TAB1: variants seen among roughly 807,000 people sequenced by gnomAD.
TAB1 encodes TGF-beta-activated kinase 1 and MAP3K7-binding protein 1.
TAB1 carries 30 observed loss-of-function variants against 54.5 expected under a neutral mutation model. That is an observed-to-expected ratio of 0.55 (90% CI 0.41 to 0.75). TAB1 has a LOEUF of 0.75. Among genes scored for constraint, TAB1 ranks in the 30% least tolerant of loss-of-function variants. The pLI is 0.00. For missense variants in TAB1, 609 were observed against 683.2 expected, an observed-to-expected ratio of 0.89 and a Z score of 1.21; for synonymous variants, 289 against 286.9, an observed-to-expected ratio of 1.01 and a Z score of -0.07.
chr22:39,420,537 C>T (rs951520583), intron 7 of TAB1, among the ~76,000 whole-genome samples: 1 of 152,222 alleles, frequency 6.6e-6, no homozygotes, highest in African/African-American at 2.4e-5. Flanking sequence ...ACTCCTTGCC[C>T]TCACGCGATC....
intron 1 of TAB1, among the ~76,000 whole-genome samples, chr22:39,409,874 C>G (rs1926536191): frequency 2.6e-5 from 4 of 152,190 alleles, no homozygotes. Flanking sequence ...AGGAGCCTCT[C>G]TGTTTTCTCT....
intron 1 of TAB1, among the ~76,000 whole-genome samples, chr22:39,406,726 G>A (rs889939924): frequency 1.3e-5 from 2 of 151,890 alleles, no homozygotes; most frequent in African/African-American, 4.8e-5. Context: ...TCTGCCTCCC[G>A]GGTTCACACC....
At chr22:39,416,711 C>T in intron 3 of TAB1, 80 bp from the exon 4 acceptor site, 1 of 1,332,630 alleles carries the variant, frequency 7.5e-7, no homozygotes, top group Non-Finnish European at 1.1e-6. Flanking sequence ...AAAGCTGCTG[C>T]TCTGATTAAT....
At chr22:39,432,926 G>A (rs1284625783), downstream of TAB1, 1 of 985,316 alleles carries the variant, frequency 1.0e-6, no homozygotes, top group African/African-American at 1.7e-5. Context: ...GAGGACTTAA[G>A]GGGCCAGGAG....
At chr22:39,408,600 T>C (rs964800179) in intron 1 of TAB1, among the ~76,000 whole-genome samples, 11 of 152,218 alleles carry the variant, frequency 7.2e-5, no homozygotes, top group Admixed American at 2.0e-4. Context: ...CCTCCTGGGT[T>C]CAAGCAATTC....
intron 1 of TAB1, among the ~76,000 whole-genome samples, chr22:39,414,211 C>G (rs1468030169): frequency 6.6e-6 from 1 of 152,008 alleles, no homozygotes; most frequent in East Asian, 1.9e-4. Context: ...ACTCCTGAGC[C>G]AAAGAGTCCC....
In TAB1 at chr22:39,430,344, C is replaced by G; in HGVS notation, c.*122C>G. ...TGCCCCATCCTCTGCCCACAGCAGA[C>G]TCTGTCCCATGGCTCTCCGGGCAGT... On this transcript the variant is annotated 3_prime_UTR_variant, in exon 11 of 11. Coordinates refer to ENST00000216160, the MANE Select transcript of TAB1 (RefSeq NM_006116.3). 1.3e-6 allele frequency: 2 copies of G among 1,520,490 alleles called. No homozygotes were observed. The highest frequency in any genetic ancestry group is 1.8e-6 in the Non-Finnish European group (2 of 1,137,378). The allele number at this position is 1,520,490 out of a possible 1,614,324, so 94.2% of individuals were successfully genotyped here. A position where few individuals can be genotyped will look rare whatever the true frequency, so the allele number is the denominator to read the frequency against.
chr22:39,404,870 T>C, intron 1 of TAB1, among the ~76,000 whole-genome samples: 1 of 152,048 alleles, frequency 6.6e-6, no homozygotes, highest in South Asian at 2.1e-4. Context: ...GTGGGAGAAG[T>C]GGGGGCCAGG....
At chr22:39,433,574 C>T (rs1927669001), downstream of TAB1, 1 of 985,314 alleles carries the variant, frequency 1.0e-6, no homozygotes, top group African/African-American at 1.7e-5. Context: ...GAGGGCGCCG[C>T]AGCACCCGTG....
intron 1 of TAB1, among the ~76,000 whole-genome samples, chr22:39,408,664 G>A (rs913167424): frequency 6.6e-6 from 1 of 151,938 alleles, no homozygotes; most frequent in Admixed American, 6.6e-5. Context: ...CACCACACCC[G>A]GTTAATTTTT....
chr22:39,424,390 A>G (rs1927227531), intron 8 of TAB1, among the ~76,000 whole-genome samples: 1 of 151,870 alleles, frequency 6.6e-6, no homozygotes. Flanking sequence ...ATCTACTTCG[A>G]AAAAGTCTCA....
intron 1 of TAB1, among the ~76,000 whole-genome samples, chr22:39,401,841 C>G (rs113455598): frequency 6.4e-4 from 97 of 152,248 alleles, no homozygotes; most frequent in African/African-American, 2.2e-3. Context: ...GTAGGGCTTG[C>G]TGATGTCACA....
intron 8 of TAB1, among the ~76,000 whole-genome samples, chr22:39,425,173 G>A (rs1927265537): frequency 6.7e-6 from 1 of 150,086 alleles, no homozygotes; most frequent in South Asian, 2.1e-4. Context: ...AGGAGATCGA[G>A]ACCATCCTGG....
At position 39,430,353 on chromosome 22, in the gene TAB1, A is replaced by G. The variant is rs1042277995; in HGVS notation, c.*131A>G. On this transcript the variant is annotated 3_prime_UTR_variant, in exon 11 of 11. Transcript: ENST00000216160. ...CTCTGCCCACAGCAGACTCTGTCCC[A>G]TGGCTCTCCGGGCAGTAGAGTGTGT... 4.7e-6 allele frequency: 7 copies of G among 1,503,608 alleles called. No homozygotes were observed. The African/African-American group carries it at 8.2e-5, about 18-fold the overall frequency. The allele number at this position is 1,503,608 out of a possible 1,614,324, so 93.1% of individuals were successfully genotyped here.
downstream of TAB1, chr22:39,436,954 A>G: frequency 5.3e-6 from 1 of 188,724 alleles, no homozygotes. Flanking sequence ...CTATTCTGAG[A>G]GAAGGACTCC....
intron 8 of TAB1, among the ~76,000 whole-genome samples, chr22:39,424,496 G>A (rs1927235066): frequency 6.9e-6 from 1 of 143,958 alleles, no homozygotes; most frequent in East Asian, 2.0e-4. Flanking sequence ...CCAAGCTGGA[G>A]TGCAGTGGTG....
At chr22:39,406,696 C>T (rs1328188026) in intron 1 of TAB1, among the ~76,000 whole-genome samples, 1 of 151,726 alleles carries the variant, frequency 6.6e-6, no homozygotes, top group Non-Finnish European at 1.5e-5. Flanking sequence ...GCAGTGGCGC[C>T]ATCTCGGCTC....
At chr22:39,417,586 A>C in intron 4 of TAB1, 125 bp from the exon 5 acceptor site, 2 of 955,562 alleles carry the variant, frequency 2.1e-6, no homozygotes, top group African/African-American at 3.4e-5. Context: ...ATGCCACTGC[A>C]CTGTAGCCTG....
At chr22:39,420,852 C>T (rs1465027290) in intron 7 of TAB1, among the ~76,000 whole-genome samples, 3 of 128,656 alleles carry the variant, frequency 2.3e-5, no homozygotes, top group Non-Finnish European at 3.2e-5. Flanking sequence ...GCATCCTTTT[C>T]GGAACACCCA....
Sources: allele counts gnomAD v4.1 joint callset (sites outside exome capture counted in the v4.1 genomes callset), GRCh38; gene constraint gnomAD v4.1.1; transcripts MANE v1.5; gene names NCBI Gene and HGNC (gene_info 2026-07-23, HGNC 2026-07-21).